Variants in MTUS2 observed in about 807,000 individuals in gnomAD.
MTUS2 encodes the protein microtubule-associated tumor suppressor candidate 2.
In MTUS2, 40 loss-of-function variants were observed where a neutral mutation model predicts 114.1. The observed-to-expected ratio is 0.35, with a 90% CI of 0.27 to 0.46. The LOEUF (loss-of-function observed/expected upper bound fraction) is 0.46, where lower values mean the gene tolerates loss of function less well. Among genes scored for constraint, MTUS2 ranks in the 20% least tolerant of loss-of-function variants. MTUS2 has a pLI of 1.00. For missense variants in MTUS2, 1,679 were observed against 1,705.4 expected (o/e 0.98, Z 0.27); for synonymous variants, 688 against 672.0 (o/e 1.02, Z -0.37).
At chr13:29,028,516 C>T (rs1886668307) in intron 3 of MTUS2, among the ~76,000 whole-genome samples, 1 of 151,846 alleles carries the variant, frequency 6.6e-6, no homozygotes, top group African/African-American at 2.4e-5. Context: ...CTCTCCCTTT[C>T]TCACTCTGCT....
intron 8 of MTUS2, among the ~76,000 whole-genome samples, chr13:29,430,381 G>A (rs1006510774): frequency 6.6e-6 from 1 of 152,048 alleles, no homozygotes; most frequent in Admixed American, 6.6e-5. Context: ...TTATCCCTAT[G>A]TCATTCTTGA....
At chr13:29,218,498 C>T (rs8000002) in intron 5 of MTUS2, among the ~76,000 whole-genome samples, 3,832 of 152,184 alleles carry the variant, frequency 0.025, 149 homozygotes, top group African/African-American at 0.087. Flanking sequence ...AAATCCTTTC[C>T]GATAGGTTTT....
At position 29,201,691 on chromosome 13, in the gene MTUS2, C is replaced by G. The variant is rs1039361391; in HGVS notation, c.2645-80013C>G. ...GCTTCCTTCAGGAGCTCTTGTAAGG[C>G]AGGCCTGGTGATGATAAAATCTCTC... On this transcript the variant is annotated intron_variant, in intron 5 of 15. Coordinates refer to ENST00000612955, the MANE Select transcript of MTUS2 (RefSeq NM_001033602.4). 9.2e-5 allele frequency among the ~76,000 whole-genome samples: 14 copies of G among 152,176 alleles called. 1 individual carries two copies. Among genetic ancestry groups the G allele is most frequent in the African/African-American group, 3.4e-4 (14 of 41,446 alleles).
intron 4 of MTUS2, among the ~76,000 whole-genome samples, chr13:29,091,464 A>G (rs1360607861): frequency 2.0e-5 from 3 of 151,536 alleles, no homozygotes; most frequent in Admixed American, 6.6e-5. Context: ...AGGAATGCCG[A>G]TCTCAGTACT....
At chr13:28,840,499 T>G (rs1053671905) in intron 2 of MTUS2, among the ~76,000 whole-genome samples, 6 of 152,252 alleles carry the variant, frequency 3.9e-5, no homozygotes, top group Non-Finnish European at 7.3e-5. Flanking sequence ...ATACTGATTT[T>G]TAGAACAAGA....
chr13:29,166,362 G>T (rs1437636402), intron 5 of MTUS2, among the ~76,000 whole-genome samples: 1 of 152,172 alleles, frequency 6.6e-6, no homozygotes, highest in East Asian at 1.9e-4. Flanking sequence ...CTGACCAAAA[G>T]AACCCTTCAA....
chr13:29,246,765 A>T (rs1270387236), intron 5 of MTUS2, among the ~76,000 whole-genome samples: 1 of 152,206 alleles, frequency 6.6e-6, no homozygotes, highest in African/African-American at 2.4e-5. Flanking sequence ...GACAACACAA[A>T]CAAATGGAAA....
intron 5 of MTUS2, among the ~76,000 whole-genome samples, chr13:29,125,321 A>G (rs887147396): frequency 6.6e-6 from 1 of 152,216 alleles, no homozygotes; most frequent in African/African-American, 2.4e-5. Flanking sequence ...TAGGCATCAC[A>G]TTGAACTTCT....
chr13:29,405,263 A>G (rs1047280727), intron 8 of MTUS2, among the ~76,000 whole-genome samples: 9 of 152,250 alleles, frequency 5.9e-5, no homozygotes, highest in Admixed American at 1.3e-4. Context: ...TTAAATAGCT[A>G]TGGCTGGAGC....
At chr13:29,321,421 TA>T (rs887164727) in intron 6 of MTUS2, among the ~76,000 whole-genome samples, 7 of 152,018 alleles carry the variant, frequency 4.6e-5, no homozygotes, top group Non-Finnish European at 8.8e-5. Flanking sequence ...GTCTAGATTG[TA>T]AAAAAAATGG....
chr13:29,401,861 A>G (rs1220475056), intron 8 of MTUS2, among the ~76,000 whole-genome samples: 4 of 152,342 alleles, frequency 2.6e-5, no homozygotes, highest in East Asian at 3.9e-4. Flanking sequence ...TGTGAAAACA[A>G]CCTGTCAAAT....
At chr13:29,492,838 A>G in intron 12 of MTUS2, 119 bp downstream of exon 12, 2 of 740,880 alleles carry the variant, frequency 2.7e-6, no homozygotes, top group East Asian at 2.7e-5. Flanking sequence ...ACAATAGAAT[A>G]TAAGGTAAAT....
intron 2 of MTUS2, among the ~76,000 whole-genome samples, chr13:28,885,594 C>T (rs978474480): frequency 3.3e-5 from 5 of 152,252 alleles, no homozygotes; most frequent in African/African-American, 7.2e-5. Context: ...TTTAGGAAGA[C>T]GCCAATTTTA....
At chr13:29,365,826 G>A (rs1309171738) in intron 8 of MTUS2, among the ~76,000 whole-genome samples, 19 of 152,150 alleles carry the variant, frequency 1.2e-4, no homozygotes, top group Admixed American at 9.8e-4. Flanking sequence ...TCACTTAAAT[G>A]TCACTGGCGA....
intron 8 of MTUS2, among the ~76,000 whole-genome samples, chr13:29,369,902 A>G (rs1374195752): frequency 6.6e-6 from 1 of 152,186 alleles, no homozygotes; most frequent in Non-Finnish European, 1.5e-5. Flanking sequence ...AGAATTCTGT[A>G]TTTATTTTAA....
intron 8 of MTUS2, among the ~76,000 whole-genome samples, chr13:29,368,772 G>A (rs981715331): frequency 1.6e-4 from 25 of 152,232 alleles, no homozygotes; most frequent in Admixed American, 5.2e-4. Context: ...AAGCAGAGGT[G>A]TAGATGTCAG....
rs181113023 is a variant in MTUS2, at chr13:29,264,698, C to T, written c.2645-17006C>T. 7.2e-5 allele frequency among the ~76,000 whole-genome samples: 11 copies of T among 152,352 alleles called. No homozygotes were observed. The East Asian group carries it at 2.1e-3, about 29-fold the overall frequency. ...CAGCTTGCACCCTCTGAAGCAGCAG[C>T]CTGAGCTGTACCTGGGACCCTTTGA... On this transcript the variant is annotated intron_variant, in intron 5 of 15. Coordinates refer to ENST00000612955, the MANE Select transcript of MTUS2 (RefSeq NM_001033602.4).
chr13:29,424,315 A>T (rs1422516512), intron 8 of MTUS2, among the ~76,000 whole-genome samples: 7 of 152,214 alleles, frequency 4.6e-5, no homozygotes, highest in Non-Finnish European at 1.0e-4. Context: ...TCAAAATATA[A>T]CGTACCCCAT....
chr13:29,436,917 T>A (rs1877451474), intron 8 of MTUS2, among the ~76,000 whole-genome samples: 1 of 151,604 alleles, frequency 6.6e-6, no homozygotes, highest in South Asian at 2.1e-4. Flanking sequence ...CCACAAAACA[T>A]CAGCATTAGG....
Sources: allele counts gnomAD v4.1 joint callset (sites outside exome capture counted in the v4.1 genomes callset), GRCh38; gene constraint gnomAD v4.1.1; transcripts MANE v1.5; gene names NCBI Gene and HGNC (gene_info 2026-07-23, HGNC 2026-07-21).